The following LARGE1 variants were observed in gnomAD, a reference collection of about 807,000 sequenced individuals.
LARGE1 encodes LARGE xylosyl- and glucuronyltransferase 1, also known as xylosyl- and glucuronyltransferase LARGE1.
A neutral mutation model predicts 87.6 loss-of-function variants in LARGE1; 43 were observed. That is an observed-to-expected ratio of 0.49 (90% confidence interval 0.38 to 0.63). The LOEUF (loss-of-function observed/expected upper bound fraction) is 0.63, where lower values mean the gene tolerates loss of function less well. LARGE1 is among the 30% of genes least tolerant of loss of function. LARGE1 has a pLI of 0.00. For missense variants in LARGE1, 802 were observed against 1,000.2 expected (o/e 0.80, Z 2.67); for synonymous variants, 434 against 394.6 (o/e 1.10, Z -1.18).
At chr22:33,227,677 C>A (rs1032591654) in intron 11 of LARGE1, among the ~76,000 whole-genome samples, 2 of 152,188 alleles carry the variant, frequency 1.3e-5, no homozygotes, top group East Asian at 1.9e-4. Flanking sequence ...AAGTCTCTAT[C>A]TGCAGTTCTA....
chr22:33,095,152 T>G, the LARGE1 span, among the ~76,000 whole-genome samples: 1 of 152,230 alleles, frequency 6.6e-6, no homozygotes, highest in Non-Finnish European at 1.5e-5. Context: ...AGGGCTGCTG[T>G]AACAAATTAC....
At chr22:33,170,975 G>A (rs921824667) in intron 11 of LARGE1, among the ~76,000 whole-genome samples, 3 of 152,196 alleles carry the variant, frequency 2.0e-5, no homozygotes, top group Non-Finnish European at 4.4e-5. Flanking sequence ...CCAAAATGCT[G>A]ATAGTGATAT....
intron 10 of LARGE1, among the ~76,000 whole-genome samples, chr22:33,319,437 C>T (rs1936500927): frequency 6.6e-6 from 1 of 152,246 alleles, no homozygotes; most frequent in East Asian, 1.9e-4. Flanking sequence ...GCTCTGTTGC[C>T]CAGGCTGGAG....
At chr22:33,397,580 G>A (rs1297321999) in intron 7 of LARGE1, among the ~76,000 whole-genome samples, 4 of 152,210 alleles carry the variant, frequency 2.6e-5, no homozygotes, top group Non-Finnish European at 5.9e-5. Flanking sequence ...AATAATCTAT[G>A]ACATGAATAT....
intron 4 of LARGE1, among the ~76,000 whole-genome samples, chr22:33,611,616 C>A (rs1184202023): frequency 6.6e-6 from 1 of 152,158 alleles, no homozygotes; most frequent in African/African-American, 2.4e-5. Flanking sequence ...GGACTTTGAA[C>A]TTGGGACTTC....
At chr22:33,695,430 G>A (rs777816018) in intron 2 of LARGE1, among the ~76,000 whole-genome samples, 19 of 151,846 alleles carry the variant, frequency 1.3e-4, no homozygotes, top group Non-Finnish European at 1.9e-4. Flanking sequence ...GATGAAGGAA[G>A]GTACCACACA....
intron 13 of LARGE1, 104 bp downstream of exon 13, chr22:33,283,098 A>G: frequency 7.0e-7 from 1 of 1,426,858 alleles, no homozygotes; most frequent in Admixed American, 1.7e-5. Flanking sequence ...ACAATGGACT[A>G]AGGCGAGCGA....
rs191006795 is a variant in LARGE1, at chr22:33,764,863, T to G, written c.-82-3305A>C. ...TATTGTTTAGAGAACGACAAAAAAG[T>G]CTGCACGTGTTCAGTACAGTTGCAA... is the stretch of plus-strand genomic sequence containing the variant. On this transcript the variant is annotated intron_variant, in intron 1 of 14. Transcript: ENST00000397394. Among the ~76,000 whole-genome samples the G allele has an allele frequency of 7.0e-4, 106 of 152,326 alleles. 1 individual carries two copies. The highest frequency in any genetic ancestry group is 2.7e-3 in the Admixed American group (41 of 15,300).
rs1248974586 is a variant in LARGE1, at chr22:33,203,097, CTCTCTGTGTGTGTGTG to C, written c.1731-36281_1731-36266del. On this transcript the variant is annotated intron_variant, in intron 11 of 11. Transcript: ENST00000608642. Reference sequence around the variant, plus strand: ...TCTCTCTCTCTCTCTCTCTCTCTCTCTCTCTGTGTGTGTGTGTGTGTGTGTGTGCAAGAGAGAATGA... The same window carrying C: ...TCTCTCTCTCTCTCTCTCTCTCTCTCTGTGTGTGTGTGCAAGAGAGAATGA... Among the ~76,000 whole-genome samples, 8 of 132,992 alleles carry C rather than the reference CTCTCTGTGTGTGTGTG, an allele frequency of 6.0e-5. No homozygotes were observed. In the South Asian group the frequency reaches 1.4e-3, roughly 23 times the overall value. 87.2% of individuals were successfully genotyped at this position (132,992 alleles called of 152,430 possible). A position where few individuals can be genotyped will look rare whatever the true frequency, so the allele number is the denominator to read the frequency against.
At chr22:33,504,696 T>C (rs1277553976) in intron 6 of LARGE1, among the ~76,000 whole-genome samples, 2 of 152,210 alleles carry the variant, frequency 1.3e-5, no homozygotes, top group Non-Finnish European at 2.9e-5. Context: ...AGTTCCCGCA[T>C]TGGTTCAAGA....
the LARGE1 span, among the ~76,000 whole-genome samples, chr22:33,124,620 C>G: frequency 7.0e-3 from 1,067 of 152,222 alleles, 9 homozygotes; most frequent in Admixed American, 0.016. Context: ...TCACCATTGC[C>G]TCATCAATCA....
At chr22:33,721,804 T>A (rs1282012026) in intron 2 of LARGE1, among the ~76,000 whole-genome samples, 1 of 152,210 alleles carries the variant, frequency 6.6e-6, no homozygotes, top group Non-Finnish European at 1.5e-5. Context: ...CTGAGTGGTA[T>A]CTTTTTCCTT....
intron 3 of LARGE1, among the ~76,000 whole-genome samples, chr22:33,627,739 C>T (rs1388264202): frequency 1.3e-5 from 2 of 152,172 alleles, no homozygotes; most frequent in Non-Finnish European, 2.9e-5. Flanking sequence ...CCCTCCAATC[C>T]ACATCCATGA....
At chr22:33,089,280 G>GTTCTTGTTC in the LARGE1 span, among the ~76,000 whole-genome samples, 1 of 146,616 alleles carries the variant, frequency 6.8e-6, no homozygotes, top group Non-Finnish European at 1.5e-5. Context: ...TCTTCTTCTT[G>GTTCTTGTTC]TTCTTCTTCT....
In LARGE1 at chr22:33,762,233, A is replaced by C. The variant is rs1475700930; in HGVS notation, c.-82-675T>G. Reference sequence around the variant, plus strand: ...TATCTCAAAAAAAAAAAAAAAAAAAAAAAAAAAAGACTAGACCAGAGGATG... The same window carrying C: ...TATCTCAAAAAAAAAAAAAAAAAAACAAAAAAAAGACTAGACCAGAGGATG... On this transcript the variant is annotated intron_variant, in intron 1 of 14. Transcript: ENST00000397394. Among the ~76,000 whole-genome samples the C allele has an allele frequency of 2.0e-5, 3 of 147,096 alleles. No individual in the cohort carries two copies. The Admixed American group carries it at 2.0e-4, about 10-fold the overall frequency.
downstream of LARGE1, among the ~76,000 whole-genome samples, chr22:33,160,386 A>C (rs1921983247): frequency 2.6e-5 from 4 of 152,318 alleles, no homozygotes; most frequent in South Asian, 8.3e-4. Flanking sequence ...TAGGAGTTTC[A>C]TACTTGGCTC....
At chr22:33,696,220 A>T (rs1306086794) in intron 2 of LARGE1, among the ~76,000 whole-genome samples, 1 of 150,758 alleles carries the variant, frequency 6.6e-6, no homozygotes, top group African/African-American at 2.4e-5. Context: ...CAGAGGGTAG[A>T]TATCTATTCA....
intron 9 of LARGE1, among the ~76,000 whole-genome samples, chr22:33,363,933 A>T (rs2064480738): frequency 6.7e-6 from 1 of 149,404 alleles, no homozygotes; most frequent in Admixed American, 6.6e-5. Flanking sequence ...GGATGGTGAG[A>T]CCCTCTGGGT....
intron 1 of LARGE1, among the ~76,000 whole-genome samples, chr22:33,838,843 A>C (rs1357511641): frequency 6.6e-6 from 1 of 151,886 alleles, no homozygotes; most frequent in Non-Finnish European, 1.5e-5. Context: ...AATCCATCTT[A>C]CCCGTGACGG....
Sources: gnomAD v4.1 joint callset for allele counts (sites outside exome capture counted in the v4.1 genomes callset) on GRCh38, gnomAD v4.1.1 for gene constraint, MANE v1.5 for transcripts, NCBI Gene and HGNC (gene_info 2026-07-23, HGNC 2026-07-21) for gene names.